Variants in KCNAB1 observed in about 807,000 individuals in gnomAD.
KCNAB1 encodes potassium voltage-gated channel subfamily A regulatory beta subunit 1.
KCNAB1 carries 35 observed loss-of-function variants against 64.6 expected under a neutral mutation model. The observed-to-expected ratio is 0.54, with a 90% confidence interval of 0.41 to 0.72. The LOEUF is 0.72. KCNAB1 is among the 30% of genes least tolerant of loss of function. The pLI is 0.00. For missense variants in KCNAB1, 401 were observed against 512.9 expected (o/e 0.78, Z 2.11); for synonymous variants, 177 against 183.8 (o/e 0.96, Z 0.30).
At chr3:156,477,348 C>T (rs11926029) in intron 8 of KCNAB1, among the ~76,000 whole-genome samples, 87,918 of 151,946 alleles carry the variant, frequency 0.58, 26,783 homozygotes, top group African/African-American at 0.78. Context: ...ATTTTCCAAG[C>T]TCAGAAGCAT....
At chr3:156,479,203 G>A (rs1714607092) in intron 8 of KCNAB1, among the ~76,000 whole-genome samples, 2 of 152,074 alleles carry the variant, frequency 1.3e-5, no homozygotes, top group Non-Finnish European at 2.9e-5. Flanking sequence ...CTTCTTATGG[G>A]TCTGTGTTCC....
intron 1 of KCNAB1, among the ~76,000 whole-genome samples, chr3:156,192,093 T>A (rs1713596423): frequency 6.6e-6 from 1 of 152,188 alleles, no homozygotes; most frequent in African/African-American, 2.4e-5. Context: ...TTATAAAACT[T>A]TATATAAATG....
intron 1 of KCNAB1, among the ~76,000 whole-genome samples, chr3:156,255,234 T>C (rs1576649491): frequency 6.6e-6 from 1 of 152,304 alleles, no homozygotes; most frequent in Non-Finnish European, 1.5e-5. Flanking sequence ...TCCAAGAGGG[T>C]GCTATGAGCC....
intron 1 of KCNAB1, among the ~76,000 whole-genome samples, chr3:156,257,470 G>A (rs144094392): frequency 6.6e-6 from 1 of 152,232 alleles, no homozygotes; most frequent in Non-Finnish European, 1.5e-5. Flanking sequence ...GAAATTGTCT[G>A]GGGAGGGATC....
At chr3:156,160,124 G>A (rs1434072234) in intron 1 of KCNAB1, among the ~76,000 whole-genome samples, 1 of 152,188 alleles carries the variant, frequency 6.6e-6, no homozygotes, top group Admixed American at 6.5e-5. Context: ...TCAACAAGTG[G>A]TCTAAGACTA....
chr3:156,344,684 G>A (rs1724361201), intron 1 of KCNAB1, among the ~76,000 whole-genome samples: 1 of 152,104 alleles, frequency 6.6e-6, no homozygotes, highest in Non-Finnish European at 1.5e-5. Flanking sequence ...TGAGCAACAT[G>A]GTCCGAGAAT....
chr3:156,257,609 C>T, intron 1 of KCNAB1, among the ~76,000 whole-genome samples: 1 of 152,164 alleles, frequency 6.6e-6, no homozygotes, highest in East Asian at 1.9e-4. Flanking sequence ...TACTAGTCAT[C>T]ATGGAGCACT....
intron 1 of KCNAB1, among the ~76,000 whole-genome samples, chr3:156,339,193 G>A (rs1288989191): frequency 6.6e-6 from 1 of 151,960 alleles, no homozygotes; most frequent in Non-Finnish European, 1.5e-5. Context: ...TCCAGGTGTA[G>A]GCATGGTATC....
intron 8 of KCNAB1, among the ~76,000 whole-genome samples, chr3:156,492,677 A>G (rs1390845782): frequency 1.3e-5 from 2 of 152,078 alleles, no homozygotes; most frequent in Non-Finnish European, 2.9e-5. Context: ...TTAAGCCACT[A>G]AAAAAATGAA....
intron 2 of KCNAB1, among the ~76,000 whole-genome samples, chr3:156,427,548 G>A (rs527812973): frequency 6.6e-6 from 1 of 152,304 alleles, no homozygotes; most frequent in East Asian, 1.9e-4. Context: ...TGAATGACTG[G>A]AGAGATGATC....
At chr3:156,373,611 T>C (rs918246477) in intron 1 of KCNAB1, among the ~76,000 whole-genome samples, 8 of 152,308 alleles carry the variant, frequency 5.3e-5, no homozygotes, top group Admixed American at 5.2e-4. Flanking sequence ...ACAAAATACT[T>C]TTTTTTAAGA....
At chr3:156,341,125 CA>C (rs1447980459) in intron 1 of KCNAB1, among the ~76,000 whole-genome samples, 1 of 151,982 alleles carries the variant, frequency 6.6e-6, no homozygotes, top group South Asian at 2.1e-4. Context: ...TCAATGACAG[CA>C]AAAAATACAG....
chr3:156,345,656 A>ATAGT (rs1178869572), intron 1 of KCNAB1, among the ~76,000 whole-genome samples: 1 of 152,226 alleles, frequency 6.6e-6, no homozygotes, highest in African/African-American at 2.4e-5. Flanking sequence ...GAGGGACAGG[A>ATAGT]TAGTAGCTGG....
chr3:156,223,109 C>T (rs182370232), intron 1 of KCNAB1, among the ~76,000 whole-genome samples: 60 of 152,248 alleles, frequency 3.9e-4, no homozygotes, highest in African/African-American at 1.4e-3. Flanking sequence ...GGAGTTTGTT[C>T]CTTCTGCTGT....
At position 156,341,034 on chromosome 3, in the gene KCNAB1, G is replaced by A. The variant is rs866108448; in HGVS notation, c.276-80582G>A. On this transcript the variant is annotated intron_variant, in intron 1 of 13. Transcript: ENST00000490337. Reference sequence around the variant, plus strand: ...AGACACTCCTCCTGTTATGCAATACGTTGGTCTAGAAAATGGAGCATATTT... The same window carrying A: ...AGACACTCCTCCTGTTATGCAATACATTGGTCTAGAAAATGGAGCATATTT... Among the ~76,000 whole-genome samples, 37 of 152,294 alleles carry A rather than the reference G, an allele frequency of 2.4e-4. No individual in the cohort carries two copies. The Middle Eastern group carries it at 0.014, about 56-fold the overall frequency.
At position 156,476,749 on chromosome 3, in the gene KCNAB1, C is replaced by T. The variant is rs1305933116; in HGVS notation, c.658+1929C>T. On this transcript the variant is annotated intron_variant, in intron 8 of 13. Coordinates refer to ENST00000490337, the MANE Select transcript of KCNAB1 (RefSeq NM_172160.3). ...TTTCCATAGTGGCTGTACTAGTTTA[C>T]GTTCCCACCAGCAGTGTAGAAATGT... Among the ~76,000 whole-genome samples the T allele has an allele frequency of 3.3e-5, 5 of 152,190 alleles. No homozygotes were observed. In the South Asian group the frequency reaches 6.2e-4, roughly 19 times the overall value.
At chr3:156,332,947 A>G (rs868166008) in intron 1 of KCNAB1, among the ~76,000 whole-genome samples, 57 of 152,228 alleles carry the variant, frequency 3.7e-4, no homozygotes, top group African/African-American at 1.3e-3. Flanking sequence ...AAAATTATGT[A>G]TCTTTTCCTT....
At position 156,485,365 on chromosome 3, in the gene KCNAB1, CCT is replaced by C. The variant is rs571539565; in HGVS notation, c.658+10550_658+10551del. On this transcript the variant is annotated intron_variant, in intron 8 of 13. Coordinates refer to ENST00000490337, the MANE Select transcript of KCNAB1 (RefSeq NM_172160.3). ...GTGCCACATTTTGCCTTTGTTTTTCCCTCTCTTGTTCTTTGCCATTGTGACAT... is the reference window on the plus strand; with the variant it reads ...GTGCCACATTTTGCCTTTGTTTTTCCCTCTTGTTCTTTGCCATTGTGACAT... 2.6e-3 allele frequency among the ~76,000 whole-genome samples: 391 copies of C among 152,084 alleles called. 1 individual carries two copies. The highest frequency in any genetic ancestry group is 9.0e-3 in the African/African-American group (372 of 41,500).
At chr3:156,270,137 C>T (rs182057656) in intron 1 of KCNAB1, among the ~76,000 whole-genome samples, 57 of 152,136 alleles carry the variant, frequency 3.7e-4, no homozygotes, top group African/African-American at 1.3e-3. Flanking sequence ...AGGATGGTCT[C>T]GATCTCCTGA....
Sources: allele counts gnomAD v4.1 joint callset (sites outside exome capture counted in the v4.1 genomes callset), GRCh38; gene constraint gnomAD v4.1.1; transcripts MANE v1.5; gene names NCBI Gene and HGNC (gene_info 2026-07-23, HGNC 2026-07-21).